Variants in RPS6KC1 observed in about 807,000 individuals in gnomAD.
RPS6KC1 encodes the protein inactive ribosomal protein S6 kinase delta-1.
RPS6KC1 carries 54 observed loss-of-function variants against 103.8 expected under a neutral mutation model. The observed-to-expected ratio is 0.52, with a 90% CI of 0.42 to 0.65. The LOEUF (loss-of-function observed/expected upper bound fraction) is 0.65. RPS6KC1 is among the 30% of genes least tolerant of loss of function. The pLI, the probability that RPS6KC1 is intolerant of heterozygous loss-of-function variation, is 0.00. For missense variants in RPS6KC1, 1,151 were observed against 1,253.8 expected (o/e 0.92, Z 1.24); for synonymous variants, 439 against 438.7 (o/e 1.00, Z -0.01).
chr1:213,718,716 T>C, the RPS6KC1 span, among the ~76,000 whole-genome samples: 3 of 152,236 alleles, frequency 2.0e-5, no homozygotes, highest in Non-Finnish European at 2.9e-5. Flanking sequence ...CCTCTGTTTC[T>C]TGAACGGCTT....
At chr1:213,760,936 G>A in the RPS6KC1 span, among the ~76,000 whole-genome samples, 8 of 120,844 alleles carry the variant, frequency 6.6e-5, no homozygotes, top group African/African-American at 9.3e-5. Flanking sequence ...GCATTTGGGG[G>A]GAAAATGAAC....
the RPS6KC1 span, among the ~76,000 whole-genome samples, chr1:213,452,000 G>A: frequency 6.6e-6 from 1 of 152,228 alleles, no homozygotes; most frequent in South Asian, 2.1e-4. Context: ...CGGTGTGATA[G>A]CCCACTCAAG....
the RPS6KC1 span, among the ~76,000 whole-genome samples, chr1:213,654,605 T>A: frequency 1.3e-5 from 2 of 152,196 alleles, no homozygotes; most frequent in Non-Finnish European, 2.9e-5. Flanking sequence ...TTTGATGTGA[T>A]TCCTTTATCC....
At chr1:213,325,568 C>T in the RPS6KC1 span, among the ~76,000 whole-genome samples, 1 of 152,196 alleles carries the variant, frequency 6.6e-6, no homozygotes, top group African/African-American at 2.4e-5. Flanking sequence ...GCCCTTGCCC[C>T]CGGAGATGTT....
chr1:213,373,295 C>A, the RPS6KC1 span, among the ~76,000 whole-genome samples: 43 of 152,334 alleles, frequency 2.8e-4, no homozygotes, highest in Admixed American at 1.2e-3. Context: ...ACTATCTGTT[C>A]ATTTCTCTAT....
intron 4 of RPS6KC1, among the ~76,000 whole-genome samples, chr1:213,108,579 A>C (rs1416644299): frequency 1.3e-5 from 2 of 152,044 alleles, no homozygotes; most frequent in African/African-American, 4.8e-5. Context: ...CTTCCATAAA[A>C]ATTTTTAGTG....
intron 3 of RPS6KC1, among the ~76,000 whole-genome samples, chr1:213,082,633 T>C (rs2080009437): frequency 6.6e-6 from 1 of 152,184 alleles, no homozygotes; most frequent in Non-Finnish European, 1.5e-5. Flanking sequence ...GCAAATGAAC[T>C]GGGTAAGCTA....
the RPS6KC1 span, among the ~76,000 whole-genome samples, chr1:213,431,372 A>G: frequency 6.6e-6 from 1 of 152,060 alleles, no homozygotes; most frequent in African/African-American, 2.4e-5. Flanking sequence ...TTTTTTTTCC[A>G]AAGTGAATAC....
chr1:213,814,225 G>A, the RPS6KC1 span, among the ~76,000 whole-genome samples: 11 of 152,318 alleles, frequency 7.2e-5, no homozygotes, highest in East Asian at 3.9e-4. Context: ...CCTGCCTTCC[G>A]TGTCTACAAC....
At chr1:213,254,773 G>T (rs2094605408) in intron 12 of RPS6KC1, among the ~76,000 whole-genome samples, 2 of 152,166 alleles carry the variant, frequency 1.3e-5, no homozygotes, top group Admixed American at 6.5e-5. Context: ...AATAAACTGA[G>T]AAATTGTTTT....
At chr1:213,508,172 G>T in the RPS6KC1 span, among the ~76,000 whole-genome samples, 144,941 of 152,320 alleles carry the variant, frequency 0.95, 69,046 homozygotes, top group Non-Finnish European at 0.96. Context: ...ATTTTTCATT[G>T]ATACACATCC....
chr1:213,541,726 C>A, the RPS6KC1 span, among the ~76,000 whole-genome samples: 4 of 152,122 alleles, frequency 2.6e-5, no homozygotes, highest in Non-Finnish European at 4.4e-5. Context: ...GTGGGAGAGA[C>A]AGCTGTGTGG....
the RPS6KC1 span, among the ~76,000 whole-genome samples, chr1:213,773,604 T>C: frequency 2.0e-3 from 302 of 151,598 alleles, 1 homozygote; most frequent in South Asian, 6.0e-3. Flanking sequence ...TGATTTCTTA[T>C]GGGAAATTGC....
chr1:213,406,783 C>T, the RPS6KC1 span, among the ~76,000 whole-genome samples: 9 of 152,176 alleles, frequency 5.9e-5, no homozygotes, highest in African/African-American at 1.9e-4. Flanking sequence ...GATGAGGCAG[C>T]CCTACTGATG....
the RPS6KC1 span, among the ~76,000 whole-genome samples, chr1:213,613,755 G>A: frequency 6.6e-6 from 1 of 152,116 alleles, no homozygotes; most frequent in African/African-American, 2.4e-5. Flanking sequence ...GGCAAAGCAG[G>A]GCAAAGGGCA....
Position 213,055,789 on chromosome 1 carries a change from C to T in RPS6KC1, c.105+4280C>T, listed in dbSNP as rs1412103854. 5.3e-5 allele frequency among the ~76,000 whole-genome samples: 8 copies of T among 152,298 alleles called. No homozygotes were observed. The East Asian group carries it at 1.5e-3, about 29-fold the overall frequency. On this transcript the variant is annotated intron_variant, in intron 1 of 14. Transcript: ENST00000366960. ...AGATGAATTTCAGAAGAATTGATATCTTAATAATATTGTCTCTGATCCATG... is the reference window on the plus strand; with the variant it reads ...AGATGAATTTCAGAAGAATTGATATTTTAATAATATTGTCTCTGATCCATG...
At chr1:213,438,481 T>G in the RPS6KC1 span, among the ~76,000 whole-genome samples, 1 of 152,168 alleles carries the variant, frequency 6.6e-6, no homozygotes, top group Non-Finnish European at 1.5e-5. Flanking sequence ...TTGAGATGGT[T>G]CAAGTCAGTT....
intron 3 of RPS6KC1, among the ~76,000 whole-genome samples, chr1:213,083,604 C>T (rs1049317573): frequency 6.6e-6 from 1 of 152,092 alleles, no homozygotes; most frequent in Non-Finnish European, 1.5e-5. Flanking sequence ...AGATGAGATT[C>T]TAGACTTTGA....
At chr1:213,457,997 A>G in the RPS6KC1 span, among the ~76,000 whole-genome samples, 5 of 152,248 alleles carry the variant, frequency 3.3e-5, no homozygotes, top group African/African-American at 1.2e-4. Flanking sequence ...TTTTTAAAAA[A>G]TACTATCAAC....
Sources: allele counts gnomAD v4.1 joint callset (sites outside exome capture counted in the v4.1 genomes callset), GRCh38; gene constraint gnomAD v4.1.1; transcripts MANE v1.5; gene names NCBI Gene and HGNC (gene_info 2026-07-23, HGNC 2026-07-21).